The following SPAG9 variants were observed in gnomAD, a reference collection of about 807,000 sequenced individuals.
SPAG9 encodes C-Jun-amino-terminal kinase-interacting protein 4.
A neutral mutation model predicts 166.5 loss-of-function variants in SPAG9; 35 were observed. That is an observed-to-expected ratio of 0.21 (90% confidence interval 0.16 to 0.28). The LOEUF (loss-of-function observed/expected upper bound fraction) is 0.28. Among genes scored for constraint, SPAG9 ranks in the 10% least tolerant of loss-of-function variants. The pLI, the probability that SPAG9 is intolerant of heterozygous loss-of-function variation, is 1.00. For missense variants in SPAG9, 1,235 were observed against 1,603.3 expected (o/e 0.77, Z 3.92); for synonymous variants, 534 against 565.5 (o/e 0.94, Z 0.79).
At chr17:51,070,141 T>TA (rs372513141) in intron 2 of SPAG9, among the ~76,000 whole-genome samples, 36 of 146,262 alleles carry the variant, frequency 2.5e-4, no homozygotes, top group East Asian at 1.4e-3. Flanking sequence ...AAGTACTCAC[T>TA]AAAAAAAAAA....
At chr17:51,062,379 TCAAA>T (rs1220087943) in intron 2 of SPAG9, among the ~76,000 whole-genome samples, 1 of 152,150 alleles carries the variant, frequency 6.6e-6, no homozygotes, top group Non-Finnish European at 1.5e-5. Flanking sequence ...CATTATAGTA[TCAAA>T]CAAAATAAGT....
At chr17:51,073,319 C>A (rs1187343356) in intron 2 of SPAG9, among the ~76,000 whole-genome samples, 1 of 151,460 alleles carries the variant, frequency 6.6e-6, no homozygotes, top group Non-Finnish European at 1.5e-5. Context: ...CAGAGCAAGA[C>A]TCCGTCTCAA....
At chr17:51,012,719 A>ATT in intron 9 of SPAG9, among the ~76,000 whole-genome samples, 1 of 144,172 alleles carries the variant, frequency 6.9e-6, no homozygotes, top group Admixed American at 7.0e-5. Flanking sequence ...CTCTTACTAG[A>ATT]TACTTTATTT....
At position 51,047,512 on chromosome 17, in the gene SPAG9, A is replaced by G. The variant is rs1207625231; in HGVS notation, c.496-43T>C. On this transcript the variant is annotated intron_variant, in intron 3 of 29. Transcript: ENST00000262013. Reference sequence around the variant, plus strand: ...AAAATACACAATATTTAAGGCTAATACCTGGAATAAAATCATAGTGTTATA... The same window carrying G: ...AAAATACACAATATTTAAGGCTAATGCCTGGAATAAAATCATAGTGTTATA... The G allele has an allele frequency of 5.5e-6, 5 of 913,212 alleles. No individual in the cohort carries two copies. In the South Asian group the frequency reaches 7.6e-5, roughly 14 times the overall value. 56.6% of individuals were successfully genotyped at this position (913,212 alleles called of 1,614,324 possible). A position where few individuals can be genotyped will look rare whatever the true frequency, so the allele number is the denominator to read the frequency against.
chr17:51,082,041 C>A (rs909405721), intron 1 of SPAG9, among the ~76,000 whole-genome samples: 5 of 152,168 alleles, frequency 3.3e-5, no homozygotes, highest in African/African-American at 4.8e-5. Context: ...TTGTTCAAAT[C>A]TCACCTTCTT....
chr17:51,103,346 T>C (rs1369990304), intron 1 of SPAG9, among the ~76,000 whole-genome samples: 2 of 152,160 alleles, frequency 1.3e-5, no homozygotes, highest in East Asian at 3.8e-4. Context: ...AAGAGGACTG[T>C]AAGCTGTGGA....
intron 2 of SPAG9, among the ~76,000 whole-genome samples, chr17:51,072,659 G>A (rs1400437360): frequency 1.3e-5 from 2 of 151,942 alleles, no homozygotes; most frequent in African/African-American, 2.4e-5. Context: ...ACTCCAACCT[G>A]GGCAACAGAG....
chr17:51,010,227 A>C (rs889779945), intron 9 of SPAG9, among the ~76,000 whole-genome samples: 3 of 152,160 alleles, frequency 2.0e-5, no homozygotes, highest in African/African-American at 7.2e-5. Flanking sequence ...CCAAAGGTAC[A>C]TTGCTCTCTT....
intron 21 of SPAG9, among the ~76,000 whole-genome samples, chr17:50,988,552 T>C (rs570075374): frequency 6.6e-6 from 1 of 152,328 alleles, no homozygotes; most frequent in South Asian, 2.1e-4. Flanking sequence ...AACAGTTTTC[T>C]TTGGTTTGTT....
chr17:51,049,140 A>G (rs1219466395), intron 3 of SPAG9, among the ~76,000 whole-genome samples: 2 of 152,094 alleles, frequency 1.3e-5, no homozygotes, highest in South Asian at 4.1e-4. Context: ...GCACTTTGGG[A>G]GGTAGGAGGT....
At chr17:51,015,356 C>T (rs887727523) in intron 8 of SPAG9, among the ~76,000 whole-genome samples, 1 of 152,076 alleles carries the variant, frequency 6.6e-6, no homozygotes, top group Non-Finnish European at 1.5e-5. Flanking sequence ...GTACAAAAGG[C>T]GGTACAGGAC....
At chr17:51,113,001 A>T (rs1183161468) in intron 1 of SPAG9, among the ~76,000 whole-genome samples, 1 of 151,284 alleles carries the variant, frequency 6.6e-6, no homozygotes, top group Non-Finnish European at 1.5e-5. Context: ...CAAAGGAAAA[A>T]AAAATCACAA....
intron 6 of SPAG9, among the ~76,000 whole-genome samples, chr17:51,022,902 A>C (rs1478078906): frequency 6.7e-6 from 1 of 150,214 alleles, no homozygotes; most frequent in Non-Finnish European, 1.5e-5. Context: ...GTGAGCTGAG[A>C]TCGCATCCAG....
At chr17:51,118,884 TA>T (rs754838606) in intron 1 of SPAG9, among the ~76,000 whole-genome samples, 65 of 151,888 alleles carry the variant, frequency 4.3e-4, no homozygotes, top group Non-Finnish European at 9.3e-4. Flanking sequence ...ATCCTGTCTC[TA>T]CAAAAAACAA....
chr17:51,095,835 GAT>G (rs1259780996), intron 1 of SPAG9, among the ~76,000 whole-genome samples: 1 of 142,792 alleles, frequency 7.0e-6, no homozygotes, highest in Non-Finnish European at 1.5e-5. Flanking sequence ...GAGATATAGA[GAT>G]ATATAGTGAT....
At chr17:51,007,990 T>C in intron 9 of SPAG9, 2 of 299,120 alleles carry the variant, frequency 6.7e-6, no homozygotes, top group South Asian at 6.1e-5. Context: ...AATGTTATGA[T>C]TTAATGCATA....
At chr17:51,052,534 T>C (rs1598090100) in intron 3 of SPAG9, among the ~76,000 whole-genome samples, 1 of 152,148 alleles carries the variant, frequency 6.6e-6, no homozygotes, top group East Asian at 1.9e-4. Context: ...GAAATCTGCC[T>C]TGGTTACTGG....
chr17:51,094,053 T>C (rs9894630), intron 1 of SPAG9, among the ~76,000 whole-genome samples: 100,059 of 152,020 alleles, frequency 0.66, 34,938 homozygotes, highest in African/African-American at 0.9. Context: ...CCTGCCTTCA[T>C]CCAGGTTGCA....
rs377144497 is a variant in SPAG9, at chr17:51,088,338, T to C, written c.304-8634A>G. 2.2e-4 allele frequency among the ~76,000 whole-genome samples: 34 copies of C among 152,272 alleles called. No individual in the cohort carries two copies. In the South Asian group the frequency reaches 6.4e-3, roughly 29 times the overall value. On this transcript the variant is annotated intron_variant, in intron 1 of 29. Coordinates refer to ENST00000262013, the MANE Select transcript of SPAG9 (RefSeq NM_001130528.3). Reference sequence around the variant, plus strand: ...GTCATTCATAGGACTTATTCTTAGATAAAATAACATGTTAAATATAAAACT... The same window carrying C: ...GTCATTCATAGGACTTATTCTTAGACAAAATAACATGTTAAATATAAAACT...
Sources: gnomAD v4.1 joint callset for allele counts (sites outside exome capture counted in the v4.1 genomes callset) on GRCh38, gnomAD v4.1.1 for gene constraint, MANE v1.5 for transcripts, NCBI Gene and HGNC (gene_info 2026-07-23, HGNC 2026-07-21) for gene names.